The following EYS variants were observed in gnomAD, a reference collection of about 807,000 sequenced individuals.
The protein encoded by EYS is protein eyes shut homolog.
A neutral mutation model predicts 282.1 loss-of-function variants in EYS; 250 were observed. That is an observed-to-expected ratio of 0.89 (90% confidence interval 0.80 to 0.98). The LOEUF is 0.98. EYS is among the 50% of genes least tolerant of loss of function. The pLI, the probability that EYS is intolerant of heterozygous loss-of-function variation, is 0.00. For missense variants in EYS, 4,016 were observed against 3,709.0 expected, an observed-to-expected ratio of 1.08 and a Z score of -2.15; for synonymous variants, 1,355 against 1,282.9, an observed-to-expected ratio of 1.06 and a Z score of -1.20.
intron 26 of EYS, among the ~76,000 whole-genome samples, chr6:64,535,976 G>A (rs1340970656): frequency 1.3e-5 from 2 of 151,658 alleles, no homozygotes; most frequent in Admixed American, 1.3e-4. Flanking sequence ...ACTTCTTTAA[G>A]GCTTAGTTTT....
At chr6:64,636,282 G>A (rs1282845620) in intron 22 of EYS, among the ~76,000 whole-genome samples, 1 of 152,064 alleles carries the variant, frequency 6.6e-6, no homozygotes, top group African/African-American at 2.4e-5. Flanking sequence ...CAGAAATAAT[G>A]CCACATATCT....
chr6:64,381,500 A>G (rs1188665025), intron 29 of EYS, among the ~76,000 whole-genome samples: 1 of 152,016 alleles, frequency 6.6e-6, no homozygotes, highest in Non-Finnish European at 1.5e-5. Flanking sequence ...TATTTTTTTG[A>G]GATGTATTCA....
intron 19 of EYS, among the ~76,000 whole-genome samples, chr6:64,851,325 T>TA (rs956584540): frequency 6.6e-5 from 10 of 151,454 alleles, no homozygotes; most frequent in African/African-American, 1.9e-4. Flanking sequence ...TGATTTTTTT[T>TA]AAAAAAATAA....
At chr6:64,815,181 G>GT (rs1764711393) in intron 21 of EYS, 2 of 438,182 alleles carry the variant, frequency 4.6e-6, no homozygotes, top group Non-Finnish European at 9.1e-6. Context: ...AACTAAGTAT[G>GT]TTTTTATAAA....
intron 36 of EYS, among the ~76,000 whole-genome samples, chr6:63,832,939 C>G (rs1230350456): frequency 6.6e-6 from 1 of 152,158 alleles, no homozygotes; most frequent in Non-Finnish European, 1.5e-5. Flanking sequence ...TGGAATCCAT[C>G]ATATAAACAG....
chr6:65,295,649 G>A, intron 12 of EYS: 1 of 546,862 alleles, frequency 1.8e-6, no homozygotes, highest in Non-Finnish European at 3.2e-6. Context: ...AGTCTTATTT[G>A]CATGAGCAAG....
intron 28 of EYS, among the ~76,000 whole-genome samples, chr6:64,400,116 A>G (rs113976397): frequency 4.7e-4 from 71 of 152,080 alleles, no homozygotes; most frequent in African/African-American, 1.5e-3. Flanking sequence ...TTATAGATAT[A>G]TTGCATTTGA....
intron 11 of EYS, among the ~76,000 whole-genome samples, chr6:65,319,682 A>T (rs1174351508): frequency 6.6e-6 from 1 of 152,196 alleles, no homozygotes; most frequent in Non-Finnish European, 1.5e-5. Context: ...TTGTTGAATC[A>T]GTGATACAGA....
intron 31 of EYS, among the ~76,000 whole-genome samples, chr6:64,187,535 A>AT (rs1562244040): frequency 6.6e-6 from 1 of 152,078 alleles, no homozygotes; most frequent in East Asian, 1.9e-4. Context: ...AAATAAATAA[A>AT]AAAAATTTAT....
At chr6:64,079,568 T>C (rs1771890634) in intron 32 of EYS, among the ~76,000 whole-genome samples, 1 of 152,108 alleles carries the variant, frequency 6.6e-6, no homozygotes, top group African/African-American at 2.4e-5. Flanking sequence ...TTTTTATTTT[T>C]TATTTTTTTA....
intron 26 of EYS, among the ~76,000 whole-genome samples, chr6:64,526,106 T>C (rs1777909996): frequency 6.6e-6 from 1 of 151,886 alleles, no homozygotes; most frequent in Non-Finnish European, 1.5e-5. Context: ...TATTGTATAA[T>C]TCCATTTATA....
intron 12 of EYS, among the ~76,000 whole-genome samples, chr6:65,059,048 A>G (rs1257655137): frequency 6.6e-6 from 1 of 152,154 alleles, no homozygotes; most frequent in Non-Finnish European, 1.5e-5. Flanking sequence ...GACAAAATGA[A>G]ATATTTAGTG....
intron 2 of EYS, among the ~76,000 whole-genome samples, chr6:65,544,989 T>G (rs1203198116): frequency 6.6e-6 from 1 of 152,162 alleles, no homozygotes; most frequent in African/African-American, 2.4e-5. Flanking sequence ...AAAAAGTTAT[T>G]TTATTCAAAA....
At chr6:65,580,215 C>G (rs1028811775) in intron 2 of EYS, among the ~76,000 whole-genome samples, 2 of 152,004 alleles carry the variant, frequency 1.3e-5, no homozygotes, top group Non-Finnish European at 2.9e-5. Flanking sequence ...ATTAATTCAG[C>G]AAAAGTGGAG....
At chr6:65,261,152 C>A (rs1341146831) in intron 12 of EYS, among the ~76,000 whole-genome samples, 1 of 151,938 alleles carries the variant, frequency 6.6e-6, no homozygotes, top group African/African-American at 2.4e-5. Flanking sequence ...CACTCAGGTT[C>A]TGTTGGATTA....
chr6:64,169,107 C>G (rs1024795759), intron 31 of EYS, among the ~76,000 whole-genome samples: 2 of 152,150 alleles, frequency 1.3e-5, no homozygotes, highest in Non-Finnish European at 2.9e-5. Flanking sequence ...AGCTCCATAA[C>G]AGTAAAGGTC....
intron 2 of EYS, among the ~76,000 whole-genome samples, chr6:65,519,708 A>ATATATATATATATTTTTTTT (rs1554205854): frequency 2.1e-4 from 9 of 42,560 alleles, no homozygotes; most frequent in African/African-American, 1.1e-3. Context: ...ATATATATAT[A>ATATATATATATATTTTTTTT]TTTTTTTTTT....
chr6:64,017,712 T>C (rs962458497), intron 33 of EYS, among the ~76,000 whole-genome samples: 1 of 152,152 alleles, frequency 6.6e-6, no homozygotes, highest in Non-Finnish European at 1.5e-5. Context: ...TTCTATCTGC[T>C]CTCCCTGTGT....
At chr6:65,204,014 G>A (rs778617241) in intron 12 of EYS, among the ~76,000 whole-genome samples, 1 of 151,896 alleles carries the variant, frequency 6.6e-6, no homozygotes, top group Non-Finnish European at 1.5e-5. Context: ...GAAAAAAACA[G>A]TAACAAAAAG....
Sources: gnomAD v4.1 joint callset for allele counts (sites outside exome capture counted in the v4.1 genomes callset) on GRCh38, gnomAD v4.1.1 for gene constraint, MANE v1.5 for transcripts, NCBI Gene and HGNC (gene_info 2026-07-23, HGNC 2026-07-21) for gene names.